RBBP8: variants seen among roughly 807,000 people sequenced by gnomAD.
RBBP8 encodes the protein DNA endonuclease RBBP8.
RBBP8 carries 88 observed loss-of-function variants against 108.3 expected under a neutral mutation model. The observed-to-expected ratio is 0.81, with a 90% confidence interval of 0.68 to 0.97. RBBP8 has a LOEUF of 0.97. Among genes scored for constraint, RBBP8 ranks in the 50% least tolerant of loss-of-function variants. The pLI is 0.00. For missense variants in RBBP8, 1,023 were observed against 1,049.0 expected (o/e 0.98, Z 0.34); for synonymous variants, 332 against 348.2 (o/e 0.95, Z 0.52).
At chr18:22,926,610 T>C (rs999772659) in intron 3 of RBBP8, among the ~76,000 whole-genome samples, 6 of 152,120 alleles carry the variant, frequency 3.9e-5, no homozygotes, top group African/African-American at 7.2e-5. Context: ...CCATTACTGA[T>C]GGGAAATGAA....
chr18:22,945,417 C>T (rs895067607), intron 2 of RBBP8, among the ~76,000 whole-genome samples: 23 of 151,618 alleles, frequency 1.5e-4, no homozygotes, highest in African/African-American at 5.6e-4. Context: ...GACGGAGTTT[C>T]GCTCTTGTTG....
intron 15 of RBBP8, among the ~76,000 whole-genome samples, chr18:23,005,898 T>G (rs1247076067): frequency 6.6e-6 from 1 of 151,950 alleles, no homozygotes; most frequent in African/African-American, 2.4e-5. Context: ...AAAAAAGTAG[T>G]TGCAGAGGCA....
intron 16 of RBBP8, among the ~76,000 whole-genome samples, chr18:23,014,041 C>A (rs971731991): frequency 6.6e-6 from 1 of 152,072 alleles, no homozygotes; most frequent in African/African-American, 2.4e-5. Flanking sequence ...ACTCTGTCAC[C>A]CAGGCTGGAG....
chr18:23,001,161 ACT>A (rs1248989804), intron 14 of RBBP8, among the ~76,000 whole-genome samples: 3 of 152,176 alleles, frequency 2.0e-5, no homozygotes, highest in South Asian at 2.1e-4. Flanking sequence ...TGAATTTAAC[ACT>A]CTTAACAAGA....
intron 6 of RBBP8, 70 bp from the exon 7 acceptor site, chr18:22,982,148 C>G: frequency 6.7e-7 from 1 of 1,502,406 alleles, no homozygotes; most frequent in Non-Finnish European, 9.1e-7. Flanking sequence ...TCTACTGTAA[C>G]TCCATGCCAT....
intron 6 of RBBP8, among the ~76,000 whole-genome samples, chr18:22,977,109 T>C (rs906399259): frequency 9.2e-5 from 14 of 152,104 alleles, no homozygotes; most frequent in African/African-American, 2.9e-4. Context: ...GTGTCTTTTA[T>C]TCTCTTCTGA....
intron 2 of RBBP8, chr18:22,915,584 C>G (rs1909324667): frequency 6.6e-6 from 1 of 152,046 alleles, no homozygotes. Flanking sequence ...TGTATTTTGA[C>G]AAGTTTTTGG....
At chr18:22,970,647 A>G (rs1395201935) in intron 5 of RBBP8, among the ~76,000 whole-genome samples, 1 of 152,184 alleles carries the variant, frequency 6.6e-6, no homozygotes, top group Non-Finnish European at 1.5e-5. Flanking sequence ...GTTCCAGTCA[A>G]GTATTATTTT....
At position 22,975,142 on chromosome 18, in the gene RBBP8, T is replaced by C. The variant is rs781610551; in HGVS notation, c.362-11T>C. The C allele has an allele frequency of 1.9e-6, 3 of 1,607,192 alleles. No individual in the cohort carries two copies. The African/African-American group carries it at 4.0e-5, about 22-fold the overall frequency. On this transcript the variant is annotated splice_polypyrimidine_tract_variant and intron_variant, in intron 5 of 18. Transcript: ENST00000327155. ...TATATTATTTGCCTTCTTTTTCACA[T>C]TGTTTTTAAGTGAATGAAAGGAATA... is the stretch of plus-strand genomic sequence containing the variant.
chr18:22,980,741 G>A (rs1409099199), intron 6 of RBBP8, among the ~76,000 whole-genome samples: 2 of 149,070 alleles, frequency 1.3e-5, no homozygotes, highest in African/African-American at 2.5e-5. Flanking sequence ...TGGAGACAGG[G>A]TCTCACTGTG....
At chr18:22,954,914 C>A (rs147657771) in intron 4 of RBBP8, among the ~76,000 whole-genome samples, 31 of 152,284 alleles carry the variant, frequency 2.0e-4, no homozygotes, top group African/African-American at 7.5e-4. Context: ...GCGTTAACTG[C>A]CCCCATGATT....
At chr18:22,948,911 AC>A (rs2144484795) in intron 3 of RBBP8, among the ~76,000 whole-genome samples, 1 of 152,318 alleles carries the variant, frequency 6.6e-6, no homozygotes, top group Non-Finnish European at 1.5e-5. Context: ...AAATATGACA[AC>A]TTTGGAAGGT....
chr18:22,962,374 C>T (rs550863075), intron 4 of RBBP8, among the ~76,000 whole-genome samples: 1 of 152,104 alleles, frequency 6.6e-6, no homozygotes, highest in Non-Finnish European at 1.5e-5. Flanking sequence ...CAGTCTCTTG[C>T]AGGTATTCTT....
rs1448868633 is a variant in RBBP8, at chr18:22,946,457, A to G, written c.123A>G (p.Lys41=). The G allele has an allele frequency of 6.2e-7, 1 of 1,612,754 alleles. No individual in the cohort carries two copies. Among genetic ancestry groups the G allele is most frequent in the African/African-American group, 1.3e-5 (1 of 74,878 alleles). ...HDREVQGLQV[K]VTKLKQERIL... ...TTTACTTTTCAGGTTTACAAGTAAA[A>G]GTAACCAAGCTAAAACAGGAACGAA... The change falls in exon 3 of 19, where the codon AAA becomes AAG. Residue 41 remains lysine, a synonymous_variant. Coordinates refer to ENST00000327155, the MANE Select transcript of RBBP8 (RefSeq NM_002894.3).
chr18:22,948,536 GT>G (rs1911762586), intron 3 of RBBP8, among the ~76,000 whole-genome samples: 1 of 151,978 alleles, frequency 6.6e-6, no homozygotes. Context: ...ACGTGTATTG[GT>G]TTTTCAATTA....
chr18:22,978,104 T>A (rs1301785945), intron 6 of RBBP8, among the ~76,000 whole-genome samples: 1 of 152,326 alleles, frequency 6.6e-6, no homozygotes, highest in Middle Eastern at 3.4e-3. Flanking sequence ...TTAAATTATG[T>A]TTTAACTGGA....
intron 6 of RBBP8, among the ~76,000 whole-genome samples, chr18:22,979,910 C>T (rs536677521): frequency 6.6e-6 from 1 of 152,296 alleles, no homozygotes; most frequent in South Asian, 2.1e-4. Context: ...AAGATCCCAT[C>T]CTCTTAGAAC....
intron 3 of RBBP8, among the ~76,000 whole-genome samples, chr18:22,949,299 A>G (rs1911831096): frequency 6.6e-6 from 1 of 152,344 alleles, no homozygotes; most frequent in South Asian, 2.1e-4. Context: ...TGAGTTCCCC[A>G]TAATTGAAGA....
intron 6 of RBBP8, among the ~76,000 whole-genome samples, chr18:22,975,465 ATAAT>A (rs1417901186): frequency 8.5e-5 from 13 of 152,110 alleles, no homozygotes; most frequent in Admixed American, 1.3e-4. Context: ...TTTATTATAA[ATAAT>A]ACATTATTAA....
Sources: gnomAD v4.1 joint callset for allele counts (sites outside exome capture counted in the v4.1 genomes callset) on GRCh38, gnomAD v4.1.1 for gene constraint, MANE v1.5 for transcripts, NCBI Gene and HGNC (gene_info 2026-07-23, HGNC 2026-07-21) for gene names.